Variants in UBAP2 observed in about 807,000 individuals in gnomAD.
UBAP2 encodes the protein ubiquitin associated protein 2.
Under a neutral mutation model 139.6 loss-of-function variants are expected in UBAP2, and 75 were observed. The observed-to-expected ratio is 0.54, with a 90% CI of 0.45 to 0.65. The LOEUF (loss-of-function observed/expected upper bound fraction) is 0.65. Among genes scored for constraint, UBAP2 ranks in the 30% least tolerant of loss-of-function variants. The pLI is 0.00. For synonymous variants in UBAP2, 526 were observed against 526.2 expected, an observed-to-expected ratio of 1.00 and a Z score of 0.01; for missense variants, 1,368 against 1,369.6, an observed-to-expected ratio of 1.00 and a Z score of 0.02.
intron 3 of UBAP2, chr9:33,997,929 T>A (rs1822334012): frequency 6.6e-6 from 1 of 152,206 alleles, no homozygotes; most frequent in Admixed American, 6.5e-5. Context: ...AGAGTTGGAA[T>A]ATCTGGCACT....
chr9:33,926,572 A>G, intron 22 of UBAP2, 45 bp downstream of exon 22: 1 of 1,611,546 alleles, frequency 6.2e-7, no homozygotes, highest in Non-Finnish European at 8.5e-7. Context: ...GGGACATGTA[A>G]AAGATTCTGA....
intron 15 of UBAP2, 65 bp downstream of exon 15, chr9:33,943,355 C>CT: frequency 6.6e-7 from 1 of 1,523,778 alleles, no homozygotes; most frequent in Middle Eastern, 1.7e-4. Context: ...AGGATGTATT[C>CT]TTTTCCACCA....
chr9:34,016,952 A>C, intron 2 of UBAP2, 98 bp downstream of exon 2: 1 of 815,684 alleles, frequency 1.2e-6, no homozygotes, highest in South Asian at 2.0e-5. Flanking sequence ...CCTTAATTCT[A>C]AACAAGGCAA....
At chr9:33,944,214 A>G in intron 14 of UBAP2, 151 bp downstream of exon 14, 1 of 1,006,868 alleles carries the variant, frequency 9.9e-7, no homozygotes. Flanking sequence ...TAGTCTGGTC[A>G]CTCAGAAATG....
intron 6 of UBAP2, among the ~76,000 whole-genome samples, chr9:33,981,890 G>A (rs1432249214): frequency 1.3e-5 from 2 of 151,354 alleles, no homozygotes; most frequent in African/African-American, 4.9e-5. Context: ...GGGGAGAGAA[G>A]AGGTACACTA....
intron 1 of UBAP2, among the ~76,000 whole-genome samples, chr9:34,038,997 C>G (rs1587702356): frequency 6.6e-6 from 1 of 150,606 alleles, no homozygotes; most frequent in African/African-American, 2.4e-5. Flanking sequence ...TGAGGAGCGT[C>G]TCTGCCCGGC....
intron 6 of UBAP2, among the ~76,000 whole-genome samples, chr9:33,982,231 A>G (rs1820827538): frequency 6.6e-6 from 1 of 152,152 alleles, no homozygotes; most frequent in African/African-American, 2.4e-5. Context: ...TGACATTCTA[A>G]TAATTCCGCT....
Position 33,923,826 on chromosome 9 carries a change from G to A in UBAP2, c.2765C>T (p.Pro922Leu). Residue 922 changes from proline to leucine, a missense_variant, in exon 24 of 29, where the codon CCC becomes CTC. By Grantham distance (98) the Pro-to-Leu change is moderately conservative (BLOSUM62 -3). Coordinates refer to ENST00000379238, the MANE Select transcript of UBAP2 (RefSeq NM_001370062.2). The stretch of plus-strand genomic sequence containing the variant: ...GGTGGGGCCATACTGGAAGGCACTG[G>A]GCATGCCTGTGTAGTAGGGAAGACC... ...YTGLPYYTGMPSAFQYGPTMF... is the reference protein window; with the variant it reads ...YTGLPYYTGMLSAFQYGPTMF... 1 of 1,614,190 alleles carries A rather than the reference G, an allele frequency of 6.2e-7. No homozygotes were observed. The highest frequency in any genetic ancestry group is 8.5e-7 in the Non-Finnish European group (1 of 1,180,032).
intron 2 of UBAP2, among the ~76,000 whole-genome samples, chr9:34,009,095 GTGTTT>G (rs201710108): frequency 0.011 from 1,708 of 149,054 alleles, 38 homozygotes; most frequent in African/African-American, 0.04. Flanking sequence ...TAAAAATTTG[GTGTTT>G]TGTTTTGTTT....
chr9:33,936,939 A>C (rs1464838573), intron 16 of UBAP2, among the ~76,000 whole-genome samples: 3 of 150,746 alleles, frequency 2.0e-5, no homozygotes, highest in South Asian at 2.1e-4. Flanking sequence ...AAAAAAAAAA[A>C]AAAAAAAAAA....
chr9:33,931,995 C>T (rs753700556), intron 19 of UBAP2, among the ~76,000 whole-genome samples: 4 of 152,164 alleles, frequency 2.6e-5, no homozygotes, highest in Admixed American at 6.5e-5. Context: ...CTACCATTCA[C>T]TCCGCAACCC....
At chr9:34,039,733 G>A (rs1266752506) in intron 1 of UBAP2, among the ~76,000 whole-genome samples, 1 of 151,270 alleles carries the variant, frequency 6.6e-6, no homozygotes, top group African/African-American at 2.4e-5. Flanking sequence ...CTCTGCCTAG[G>A]AAAACCAGAG....
chr9:33,971,165 C>G (rs1275237367), intron 8 of UBAP2, among the ~76,000 whole-genome samples: 9 of 152,066 alleles, frequency 5.9e-5, no homozygotes, highest in Admixed American at 5.9e-4. Context: ...TATAAATAAC[C>G]AATATTTACC....
Position 33,927,869 on chromosome 9 carries a change from T to A in UBAP2, c.2299A>T (p.Ser767Cys). The A allele has an allele frequency of 6.2e-7, 1 of 1,614,186 alleles. No homozygotes were observed. The highest frequency in any genetic ancestry group is 8.5e-7 in the Non-Finnish European group (1 of 1,180,024). The change falls in exon 20 of 29, where the codon AGC (serine) becomes TGC (cysteine). Residue 767 changes from serine (S) to cysteine (C), a missense_variant. By Grantham distance (112) the Ser-to-Cys change is moderately radical (BLOSUM62 -1). Transcript: ENST00000379238. ...GCGGGGGTCCCACCCAGACAGAGGC[T>A]GTTCGCGGTGTTCATGCTACTGGAC... ...SLSSSMNTAN[S>C]LCLGGTPASA...
chr9:33,925,094 G>A (rs773364140), intron 22 of UBAP2, among the ~76,000 whole-genome samples: 1 of 152,116 alleles, frequency 6.6e-6, no homozygotes, highest in Non-Finnish European at 1.5e-5. Flanking sequence ...CGTGGAGGAG[G>A]GGAGGTCTGA....
intron 7 of UBAP2, 103 bp downstream of exon 7, chr9:33,973,080 A>G (rs894317196): frequency 7.1e-6 from 7 of 983,242 alleles, no homozygotes; most frequent in Admixed American, 2.1e-5. Context: ...AGAAAACACT[A>G]GATTCACCAT....
intron 9 of UBAP2, among the ~76,000 whole-genome samples, chr9:33,961,792 A>C (rs1722302063): frequency 6.6e-6 from 1 of 152,234 alleles, no homozygotes; most frequent in South Asian, 2.1e-4. Flanking sequence ...AGACAAAAGA[A>C]GTCAGGTAAC....
intron 8 of UBAP2, chr9:33,968,544 G>T: frequency 2.4e-6 from 1 of 408,230 alleles, no homozygotes. Flanking sequence ...GCCATTATCA[G>T]GCTCAAATCC....
At position 33,933,550 on chromosome 9, in the gene UBAP2, A is replaced by C. The variant is rs1416426783; in HGVS notation, c.2048T>G (p.Leu683Arg). ...LPSTTSCTALLPSTSQHTGDL... is the reference protein window; with the variant it reads ...LPSTTSCTALRPSTSQHTGDL... ...GCCAGTGTGCTGGGATGTGGACGGCAGAAGTGCAGTGCAGGAGGTGGTGCT... is the reference window on the plus strand; with the variant it reads ...GCCAGTGTGCTGGGATGTGGACGGCCGAAGTGCAGTGCAGGAGGTGGTGCT... The change falls in exon 18 of 29, where the codon CTG (leucine) becomes CGG (arginine). Residue 683 changes from leucine (L) to arginine (R), a missense_variant. Transcript: ENST00000379238. 1 of 1,613,930 alleles carries C rather than the reference A, an allele frequency of 6.2e-7. No homozygotes were observed. Among genetic ancestry groups the C allele is most frequent in the East Asian group, 2.2e-5 (1 of 44,892 alleles).
Sources: allele counts gnomAD v4.1 joint callset (sites outside exome capture counted in the v4.1 genomes callset), GRCh38; gene constraint gnomAD v4.1.1; transcripts MANE v1.5; gene names NCBI Gene and HGNC (gene_info 2026-07-23, HGNC 2026-07-21).